RALYL: variants seen among roughly 807,000 people sequenced by gnomAD.
RALYL encodes RNA-binding Raly-like protein.
RALYL carries 29 observed loss-of-function variants against 35.1 expected under a neutral mutation model. The observed-to-expected ratio is 0.83, with a 90% CI of 0.61 to 1.13. The LOEUF is 1.13. Among genes scored for constraint, RALYL ranks in the 50% most tolerant of loss-of-function variants. The pLI, the probability that RALYL is intolerant of heterozygous loss-of-function variation, is 0.00. For missense variants in RALYL, 359 were observed against 360.4 expected, an observed-to-expected ratio of 1.00 and a Z score of 0.03; for synonymous variants, 120 against 127.6, an observed-to-expected ratio of 0.94 and a Z score of 0.40.
chr8:84,272,710 T>C (rs920999058), intron 1 of RALYL, among the ~76,000 whole-genome samples: 2 of 152,194 alleles, frequency 1.3e-5, no homozygotes, highest in Admixed American at 1.3e-4. Flanking sequence ...GTAATAGCAA[T>C]GGCAAAGTCA....
intron 1 of RALYL, among the ~76,000 whole-genome samples, chr8:84,526,524 G>T (rs1457643497): frequency 6.6e-6 from 1 of 152,130 alleles, no homozygotes; most frequent in African/African-American, 2.4e-5. Context: ...GAATCATTCA[G>T]TTCACAAGTT....
At chr8:84,208,185 G>A (rs1818534804) in intron 1 of RALYL, among the ~76,000 whole-genome samples, 1 of 152,110 alleles carries the variant, frequency 6.6e-6, no homozygotes. Context: ...GCTCTTTTCT[G>A]TAGAGTATTA....
At chr8:84,851,079 C>T (rs901953270) in intron 5 of RALYL, among the ~76,000 whole-genome samples, 6 of 152,174 alleles carry the variant, frequency 3.9e-5, no homozygotes, top group Non-Finnish European at 7.4e-5. Context: ...TATCACTCTT[C>T]GATTCTTTGC....
At chr8:84,769,335 A>G (rs978741247) in intron 2 of RALYL, among the ~76,000 whole-genome samples, 1 of 152,074 alleles carries the variant, frequency 6.6e-6, no homozygotes, top group African/African-American at 2.4e-5. Flanking sequence ...ATTACATCCC[A>G]CTCAAATCAG....
At chr8:84,293,544 T>G (rs1253448050) in intron 1 of RALYL, among the ~76,000 whole-genome samples, 1 of 152,172 alleles carries the variant, frequency 6.6e-6, no homozygotes, top group Non-Finnish European at 1.5e-5. Flanking sequence ...TTCTGTATTC[T>G]GTGTTGATAT....
intron 2 of RALYL, chr8:84,706,165 G>A: frequency 9.4e-7 from 1 of 1,064,392 alleles, no homozygotes; most frequent in Non-Finnish European, 1.4e-6. Context: ...CCTGGTAGTA[G>A]AAAAGATACT....
intron 1 of RALYL, among the ~76,000 whole-genome samples, chr8:84,482,504 A>G (rs902233435): frequency 3.3e-5 from 5 of 151,980 alleles, no homozygotes; most frequent in African/African-American, 1.2e-4. Flanking sequence ...AGCCTCTCCA[A>G]TTTCACTCAA....
chr8:84,185,095 T>C, intron 1 of RALYL: 1 of 1,485,318 alleles, frequency 6.7e-7, no homozygotes, highest in South Asian at 1.1e-5. Context: ...TTTTTTTCCC[T>C]GTTGTGTTGC....
chr8:84,747,109 A>G lies in RALYL; in HGVS notation c.257-27470A>G, dbSNP rs149807938. On this transcript the variant is annotated intron_variant, in intron 2 of 8. Transcript: ENST00000521268. The stretch of plus-strand genomic sequence containing the variant: ...TGAAAATATACCATATGTCCAGTTA[A>G]AATTAGACTGTGAAGAATAAGTTGA... Among the ~76,000 whole-genome samples the G allele has an allele frequency of 2.0e-4, 31 of 152,038 alleles. No homozygotes were observed. In the East Asian group the frequency reaches 5.6e-3, roughly 27 times the overall value.
At chr8:84,317,598 A>C (rs1843997496) in intron 1 of RALYL, among the ~76,000 whole-genome samples, 1 of 152,196 alleles carries the variant, frequency 6.6e-6, no homozygotes, top group Non-Finnish European at 1.5e-5. Flanking sequence ...CAACAGAGGG[A>C]ATGTGTTTGC....
At chr8:84,552,486 C>T (rs1025912654) in intron 2 of RALYL, among the ~76,000 whole-genome samples, 1 of 145,968 alleles carries the variant, frequency 6.9e-6, no homozygotes, top group African/African-American at 2.5e-5. Context: ...CTCATATACA[C>T]ACTTATTGCT....
intron 1 of RALYL, among the ~76,000 whole-genome samples, chr8:84,454,223 A>G (rs1383719837): frequency 6.6e-6 from 1 of 152,034 alleles, no homozygotes; most frequent in African/African-American, 2.4e-5. Context: ...GAGCAGAGTC[A>G]GAGTCATATT....
At chr8:84,824,116 C>T (rs772580844) in intron 4 of RALYL, among the ~76,000 whole-genome samples, 10 of 152,068 alleles carry the variant, frequency 6.6e-5, no homozygotes, top group Non-Finnish European at 1.2e-4. Flanking sequence ...CTAAAGACTC[C>T]ACCAAAAGGC....
chr8:84,408,688 A>G (rs542866300), intron 1 of RALYL, among the ~76,000 whole-genome samples: 12 of 152,294 alleles, frequency 7.9e-5, no homozygotes, highest in Middle Eastern at 6.8e-3. Context: ...ACAACCATGG[A>G]CGCTTGTTCA....
intron 4 of RALYL, among the ~76,000 whole-genome samples, chr8:84,809,081 C>T (rs1321411561): frequency 6.6e-6 from 1 of 152,054 alleles, no homozygotes; most frequent in African/African-American, 2.4e-5. Context: ...TTGTTTTGTT[C>T]CAGTTTTCAG....
chr8:84,617,919 A>G lies in RALYL; in HGVS notation c.256+88342A>G, dbSNP rs1385677823. Among the ~76,000 whole-genome samples, 7 of 151,976 alleles carry G rather than the reference A, an allele frequency of 4.6e-5. No individual in the cohort carries two copies. The East Asian group carries it at 1.2e-3, about 25-fold the overall frequency. The stretch of plus-strand genomic sequence containing the variant: ...TTTATTGATTTGCGTATATTGAACC[A>G]GCCTTGCATCCCAGGGATGAAGCCC... On this transcript the variant is annotated intron_variant, in intron 2 of 8. Coordinates refer to ENST00000521268, the MANE Select transcript of RALYL (RefSeq NM_173848.7).
At chr8:84,838,812 T>G (rs961619513) in intron 4 of RALYL, among the ~76,000 whole-genome samples, 6 of 152,236 alleles carry the variant, frequency 3.9e-5, no homozygotes, top group Admixed American at 3.9e-4. Context: ...ATCGAAGTAT[T>G]TACTGAAGGT....
At chr8:84,488,654 GTTA>G (rs2054911485) in intron 1 of RALYL, among the ~76,000 whole-genome samples, 1 of 151,934 alleles carries the variant, frequency 6.6e-6, no homozygotes, top group Admixed American at 6.6e-5. Flanking sequence ...TGAAGTTCAA[GTTA>G]TCCCATTTCC....
chr8:84,905,813 A>AT (rs141147089), intron 8 of RALYL, among the ~76,000 whole-genome samples: 1 of 150,466 alleles, frequency 6.6e-6, no homozygotes, highest in South Asian at 2.1e-4. Context: ...TATGCATACT[A>AT]TTTTTTTTAA....
Sources: gnomAD v4.1 joint callset for allele counts (sites outside exome capture counted in the v4.1 genomes callset) on GRCh38, gnomAD v4.1.1 for gene constraint, MANE v1.5 for transcripts, NCBI Gene and HGNC (gene_info 2026-07-23, HGNC 2026-07-21) for gene names.